Variants in COX10 observed in about 807,000 individuals in gnomAD.
COX10 encodes cytochrome c oxidase assembly factor heme A:farnesyltransferase COX10.
Under a neutral mutation model 37.3 loss-of-function variants are expected in COX10, and 27 were observed. The ratio of observed to expected loss-of-function variants is 0.72; its 90% confidence interval spans 0.53 to 1.00. The LOEUF is 1.00. Ranked by LOEUF, COX10 falls within the 50% of genes least tolerant of loss-of-function variation. The pLI is 0.00. For synonymous variants in COX10, 222 were observed against 229.1 expected (o/e 0.97, Z 0.28); for missense variants, 475 against 563.2 (o/e 0.84, Z 1.59).
chr17:14,168,579 T>C (rs1480009720), intron 5 of COX10, among the ~76,000 whole-genome samples: 2 of 152,222 alleles, frequency 1.3e-5, no homozygotes, highest in Non-Finnish European at 1.5e-5. Flanking sequence ...CTCTGAAATC[T>C]AGGCAGAGGC....
chr17:14,141,978 T>C (rs1290179443), intron 4 of COX10, among the ~76,000 whole-genome samples: 1 of 152,178 alleles, frequency 6.6e-6, no homozygotes, highest in Non-Finnish European at 1.5e-5. Context: ...AGTTTTAAAA[T>C]GTCTTTTCTG....
At chr17:14,127,142 T>A (rs1916359599) in intron 4 of COX10, among the ~76,000 whole-genome samples, 1 of 152,192 alleles carries the variant, frequency 6.6e-6, no homozygotes, top group Non-Finnish European at 1.5e-5. Context: ...AAAAGAGAGT[T>A]AATTTTAAGG....
intron 4 of COX10, among the ~76,000 whole-genome samples, chr17:14,138,647 A>G (rs770266827): frequency 1.3e-4 from 20 of 152,262 alleles, no homozygotes; most frequent in Admixed American, 2.6e-4. Flanking sequence ...TTTTGGACGT[A>G]TGGTATTCAG....
chr17:14,155,336 A>G (rs1905013709), intron 4 of COX10, among the ~76,000 whole-genome samples: 1 of 152,076 alleles, frequency 6.6e-6, no homozygotes, highest in Non-Finnish European at 1.5e-5. Context: ...ACATAAAAAA[A>G]AAAAAAAAAA....
At chr17:14,086,581 C>T (rs1437739796) in intron 3 of COX10, among the ~76,000 whole-genome samples, 1 of 152,092 alleles carries the variant, frequency 6.6e-6, no homozygotes, top group Admixed American at 6.5e-5. Context: ...TTAAATAGAT[C>T]AGTACATGTA....
At chr17:14,180,255 A>G (rs540323016) in intron 5 of COX10, among the ~76,000 whole-genome samples, 112 of 152,288 alleles carry the variant, frequency 7.4e-4, no homozygotes, top group African/African-American at 2.6e-3. Flanking sequence ...TAATAAGAAC[A>G]TAAACATTTT....
At chr17:14,192,416 A>G (rs911472978) in intron 6 of COX10, among the ~76,000 whole-genome samples, 195 bp downstream of exon 6, 13 of 152,220 alleles carry the variant, frequency 8.5e-5, no homozygotes, top group African/African-American at 3.1e-4. Flanking sequence ...GTGGGTGCAC[A>G]TGACATACAC....
intron 4 of COX10, among the ~76,000 whole-genome samples, chr17:14,131,446 C>G (rs1299088284): frequency 6.6e-6 from 1 of 151,792 alleles, no homozygotes; most frequent in African/African-American, 2.4e-5. Context: ...TATCAGTACT[C>G]TAGCTTATTT....
At chr17:14,099,924 G>A (rs1222720280) in intron 3 of COX10, among the ~76,000 whole-genome samples, 1 of 152,080 alleles carries the variant, frequency 6.6e-6, no homozygotes, top group Non-Finnish European at 1.5e-5. Flanking sequence ...TTCTGTTAAT[G>A]TTATCATTCC....
chr17:14,092,605 A>T (rs566514386), intron 3 of COX10, among the ~76,000 whole-genome samples: 2 of 152,280 alleles, frequency 1.3e-5, no homozygotes, highest in East Asian at 3.9e-4. Flanking sequence ...CTTAACAATA[A>T]GCATGAGAAT....
intron 1 of COX10, 45 bp from the exon 2 acceptor site, chr17:14,074,278 A>G: frequency 6.2e-7 from 1 of 1,612,852 alleles, no homozygotes; most frequent in Non-Finnish European, 8.5e-7. Flanking sequence ...TTTGATAAGA[A>G]GTACGAATCA....
chr17:14,113,445 G>T (rs1053420408), intron 4 of COX10, among the ~76,000 whole-genome samples: 1 of 152,040 alleles, frequency 6.6e-6, no homozygotes, highest in African/African-American at 2.4e-5. Context: ...ACTAAAAAAA[G>T]GATGATGATG....
intron 3 of COX10, among the ~76,000 whole-genome samples, chr17:14,101,512 C>G (rs1418861238): frequency 6.6e-6 from 1 of 152,164 alleles, no homozygotes; most frequent in Non-Finnish European, 1.5e-5. Flanking sequence ...AAAGGAGCAG[C>G]CTTGGTGGAA....
intron 5 of COX10, among the ~76,000 whole-genome samples, chr17:14,160,187 A>G (rs1567604632): frequency 1.3e-5 from 2 of 152,178 alleles, no homozygotes; most frequent in Non-Finnish European, 2.9e-5. Flanking sequence ...TGATATATAT[A>G]TATTTTTAAT....
intron 4 of COX10, among the ~76,000 whole-genome samples, chr17:14,105,619 A>G (rs140083252): frequency 0.014 from 2,063 of 152,316 alleles, 25 homozygotes; most frequent in Non-Finnish European, 0.017. Flanking sequence ...AGAAGGCAAC[A>G]TTTAAAACAT....
chr17:14,188,855 C>A (rs1245343825), intron 5 of COX10, among the ~76,000 whole-genome samples: 1 of 150,276 alleles, frequency 6.7e-6, no homozygotes, highest in Non-Finnish European at 1.5e-5. Flanking sequence ...AAAACACTCT[C>A]ATAATAAGTA....
At chr17:14,103,196 T>C (rs1395405484) in intron 4 of COX10, among the ~76,000 whole-genome samples, 1 of 152,148 alleles carries the variant, frequency 6.6e-6, no homozygotes, top group African/African-American at 2.4e-5. Flanking sequence ...TCCCCTTCTA[T>C]AAAGCAGGAC....
At chr17:14,125,103 A>G (rs760878040) in intron 4 of COX10, among the ~76,000 whole-genome samples, 6 of 152,160 alleles carry the variant, frequency 3.9e-5, no homozygotes, top group Non-Finnish European at 8.8e-5. Flanking sequence ...CTTTAAATGT[A>G]TTTACACAGG....
At chr17:14,162,610 A>G (rs985372186) in intron 5 of COX10, among the ~76,000 whole-genome samples, 1 of 116,974 alleles carries the variant, frequency 8.5e-6, no homozygotes, top group African/African-American at 3.3e-5. Flanking sequence ...GGCACTTTCA[A>G]AACTATCCCT....
Sources: gnomAD v4.1 joint callset for allele counts (sites outside exome capture counted in the v4.1 genomes callset) on GRCh38, gnomAD v4.1.1 for gene constraint, MANE v1.5 for transcripts, NCBI Gene and HGNC (gene_info 2026-07-23, HGNC 2026-07-21) for gene names.